Variants in CCR5AS observed in about 807,000 individuals in gnomAD.
The protein encoded by CCR5AS is CCR5 antisense RNA.
Position 46,384,890 on chromosome 3 carries a change from T to C in CCR5AS, n.391+7935A>G, listed in dbSNP as rs562553329. Among the ~76,000 whole-genome samples, 5 of 150,576 alleles carry C rather than the reference T, an allele frequency of 3.3e-5. No homozygotes were observed. The East Asian group carries it at 5.8e-4, about 17-fold the overall frequency. On this transcript the variant is annotated intron_variant and non_coding_transcript_variant, in intron 2 of 3. Transcript: ENST00000451485. ...ATAGATAGATAGATAGATAGATAGATAGATAGATAGATAGATAGATAGACA... is the reference window on the plus strand; with the variant it reads ...ATAGATAGATAGATAGATAGATAGACAGATAGATAGATAGATAGATAGACA...
intron 1 of CCR5AS, among the ~76,000 whole-genome samples, chr3:46,393,458 C>T (rs1261016306): frequency 2.0e-5 from 1 of 49,184 alleles, no homozygotes; most frequent in African/African-American, 9.5e-5. Flanking sequence ...GCAACAGAGC[C>T]ACAAAAAAAA....
intron 2 of CCR5AS, chr3:46,374,496 G>A (rs1227844755): frequency 6.0e-6 from 1 of 167,152 alleles, no homozygotes; most frequent in Non-Finnish European, 1.5e-5. Flanking sequence ...TGGTTAATAA[G>A]TTTCACTGAC....
At chr3:46,369,261 G>C (rs1701631647) in intron 3 of CCR5AS, among the ~76,000 whole-genome samples, 1 of 152,154 alleles carries the variant, frequency 6.6e-6, no homozygotes, top group Admixed American at 6.5e-5. Context: ...TTTGGTCAGA[G>C]CCAAGTAGCA....
intron 3 of CCR5AS, among the ~76,000 whole-genome samples, chr3:46,368,419 T>C (rs1480600910): frequency 6.6e-6 from 1 of 152,222 alleles, no homozygotes; most frequent in Non-Finnish European, 1.5e-5. Context: ...CAGAACAACA[T>C]TTCATTTAAA....
intron 3 of CCR5AS, among the ~76,000 whole-genome samples, chr3:46,367,314 A>G (rs997384317): frequency 2.0e-5 from 3 of 151,812 alleles, no homozygotes; most frequent in Admixed American, 6.6e-5. Flanking sequence ...AACTACACTT[A>G]TAAAGAATTT....
At chr3:46,373,323 A>G in intron 2 of CCR5AS, 1 of 1,614,168 alleles carries the variant, frequency 6.2e-7, no homozygotes, top group Non-Finnish European at 8.5e-7. Context: ...AAAAGCCAGG[A>G]CGGTCACCTT....
intron 2 of CCR5AS, among the ~76,000 whole-genome samples, chr3:46,384,272 T>A (rs986372166): frequency 6.6e-6 from 1 of 152,224 alleles, no homozygotes; most frequent in African/African-American, 2.4e-5. Flanking sequence ...CCCATCCTAA[T>A]CTTTTATTAC....
At chr3:46,384,279 T>G (rs1254012583) in intron 2 of CCR5AS, among the ~76,000 whole-genome samples, 1 of 152,230 alleles carries the variant, frequency 6.6e-6, no homozygotes, top group Admixed American at 6.5e-5. Flanking sequence ...TAATCTTTTA[T>G]TACGCAGACG....
chr3:46,405,548 C>T (rs1186260273), intron 1 of CCR5AS, among the ~76,000 whole-genome samples: 1 of 152,156 alleles, frequency 6.6e-6, no homozygotes. Flanking sequence ...TGCCCAGCTG[C>T]AGGAGGTGGA....
chr3:46,388,536 G>C (rs1457004017), intron 2 of CCR5AS, among the ~76,000 whole-genome samples: 1 of 152,186 alleles, frequency 6.6e-6, no homozygotes, highest in African/African-American at 2.4e-5. Context: ...TGCTTGGTTG[G>C]TGAGTTTTTG....
intron 1 of CCR5AS, among the ~76,000 whole-genome samples, chr3:46,405,726 T>C (rs1192617953): frequency 1.3e-5 from 2 of 152,170 alleles, no homozygotes; most frequent in Admixed American, 1.3e-4. Context: ...CCATCAAACA[T>C]CATTGTGTTT....
At chr3:46,386,562 G>T (rs1701864666) in intron 2 of CCR5AS, among the ~76,000 whole-genome samples, 1 of 152,078 alleles carries the variant, frequency 6.6e-6, no homozygotes, top group African/African-American at 2.4e-5. Flanking sequence ...CCAGAATATA[G>T]AAAGTTCTAC....
intron 2 of CCR5AS, among the ~76,000 whole-genome samples, chr3:46,377,938 C>T (rs1439897230): frequency 1.3e-5 from 2 of 152,176 alleles, no homozygotes; most frequent in African/African-American, 4.8e-5. Flanking sequence ...ATCTCCTGAC[C>T]TCGTGATCTG....
chr3:46,392,393 G>T (rs1379721901), intron 2 of CCR5AS, among the ~76,000 whole-genome samples: 1 of 152,220 alleles, frequency 6.6e-6, no homozygotes, highest in Non-Finnish European at 1.5e-5. Flanking sequence ...GGCTAAGGGA[G>T]AAGAAGGGGG....
exon 4 of CCR5AS, chr3:46,364,876 C>T (rs2213290): frequency 0.33 from 49,621 of 152,074 alleles, 9,252 homozygotes; most frequent in East Asian, 0.56. Context: ...TGGAGGAAGT[C>T]GCTGTAGATG....
chr3:46,374,259 T>C, intron 2 of CCR5AS: 1 of 266,442 alleles, frequency 3.8e-6, no homozygotes, highest in Non-Finnish European at 7.5e-6. Flanking sequence ...AAGTTCCTTA[T>C]GTATATTTAA....
chr3:46,378,935 T>C (rs1484678889), intron 2 of CCR5AS, among the ~76,000 whole-genome samples: 1 of 152,170 alleles, frequency 6.6e-6, no homozygotes, highest in Non-Finnish European at 1.5e-5. Flanking sequence ...TATAATCCTG[T>C]ATATCTGATG....
chr3:46,396,885 C>T (rs751088449), intron 1 of CCR5AS, among the ~76,000 whole-genome samples: 2 of 152,206 alleles, frequency 1.3e-5, no homozygotes, highest in East Asian at 1.9e-4. Flanking sequence ...CCCAGGAATC[C>T]AGCCTAAAAT....
chr3:46,378,081 G>A (rs1397767053), intron 2 of CCR5AS, among the ~76,000 whole-genome samples: 2 of 152,150 alleles, frequency 1.3e-5, no homozygotes, highest in Non-Finnish European at 2.9e-5. Context: ...GTCAGAGTAC[G>A]TGGAGATTTT....
Sources: gnomAD v4.1 joint callset for allele counts (sites outside exome capture counted in the v4.1 genomes callset) on GRCh38, gnomAD v4.1.1 for gene constraint, MANE v1.5 for transcripts, NCBI Gene and HGNC (gene_info 2026-07-23, HGNC 2026-07-21) for gene names.